KIRREL3: variants seen among roughly 807,000 people sequenced by gnomAD.
The protein encoded by KIRREL3 is kin of IRRE-like protein 3.
In KIRREL3, 36 loss-of-function variants were observed where a neutral mutation model predicts 89.7. The ratio of observed to expected loss-of-function variants is 0.40; its 90% CI spans 0.31 to 0.53. The LOEUF (loss-of-function observed/expected upper bound fraction) is 0.53. KIRREL3 is among the 20% of genes least tolerant of loss of function. The pLI is 0.49. For synonymous variants in KIRREL3, 445 were observed against 441.4 expected, an observed-to-expected ratio of 1.01 and a Z score of -0.10; for missense variants, 864 against 1,056.6, an observed-to-expected ratio of 0.82 and a Z score of 2.53.
At chr11:126,922,771 A>T (rs1220722387) in intron 1 of KIRREL3, among the ~76,000 whole-genome samples, 3 of 152,206 alleles carry the variant, frequency 2.0e-5, no homozygotes, top group Non-Finnish European at 4.4e-5. Flanking sequence ...TTTCCTCTGC[A>T]GCAACTGCCC....
intron 7 of KIRREL3, among the ~76,000 whole-genome samples, chr11:126,453,256 GT>G (rs946714626): frequency 6.6e-6 from 1 of 152,154 alleles, no homozygotes; most frequent in Non-Finnish European, 1.5e-5. Flanking sequence ...TTCATCTCGT[GT>G]GGGGGGGCCA....
At chr11:126,921,747 T>TTCTATCTA (rs201000548) in intron 1 of KIRREL3, among the ~76,000 whole-genome samples, 111 of 134,978 alleles carry the variant, frequency 8.2e-4, no homozygotes, top group Admixed American at 1.1e-3. Context: ...TATATCTGTC[T>TTCTATCTA]TCTATCTATC....
intron 1 of KIRREL3, among the ~76,000 whole-genome samples, chr11:126,979,319 A>G (rs1949661520): frequency 6.6e-6 from 1 of 152,208 alleles, no homozygotes; most frequent in South Asian, 2.1e-4. Context: ...TAAAGTTGTA[A>G]TCACCTTTGC....
In KIRREL3 at chr11:126,900,147, G is replaced by A. The variant is rs891109951; in HGVS notation, c.55+100308C>T. ...CCTTGGGTCAGGAAACTAAATGTGA[G>A]TGTATCTGTTCCCATGTGTGTAAAT... On this transcript the variant is annotated intron_variant, in intron 1 of 16. Transcript: ENST00000525144. The surrounding 1 kb of genome is among the most constrained non-coding windows in gnomAD (Gnocchi z 4.4). 5.3e-5 allele frequency among the ~76,000 whole-genome samples: 8 copies of A among 152,206 alleles called. No homozygotes were observed. The highest frequency in any genetic ancestry group is 3.9e-4 in the Admixed American group (6 of 15,284).
At chr11:126,785,520 G>A (rs984118209) in intron 1 of KIRREL3, among the ~76,000 whole-genome samples, 16 of 152,020 alleles carry the variant, frequency 1.1e-4, no homozygotes, top group Non-Finnish European at 2.2e-4. Flanking sequence ...AGGTGTTACC[G>A]TCTGATGCAA....
At position 126,628,269 on chromosome 11, in the gene KIRREL3, C is replaced by A. The variant is rs1943876140; in HGVS notation, c.56-65357G>T. ...TCCTGTCAGACTCTTTCTCTCCAGC[C>A]TGGCCTCGCCTTCTCTGTGAGAAGG... On this transcript the variant is annotated intron_variant, in intron 1 of 16. Transcript: ENST00000525144. The surrounding 1 kb of genome is among the most constrained non-coding windows in gnomAD (Gnocchi z 5.2). Among the ~76,000 whole-genome samples the A allele has an allele frequency of 6.6e-6, 1 of 152,202 alleles. No individual in the cohort carries two copies. Among genetic ancestry groups the A allele is most frequent in the Non-Finnish European group, 1.5e-5 (1 of 68,040 alleles).
At chr11:126,813,345 G>A (rs2134430096) in intron 1 of KIRREL3, among the ~76,000 whole-genome samples, 1 of 152,288 alleles carries the variant, frequency 6.6e-6, no homozygotes, top group Middle Eastern at 3.4e-3. Flanking sequence ...TCCCACCTGT[G>A]TATGAAACAA....
chr11:126,856,153 A>T (rs951419522), intron 1 of KIRREL3, among the ~76,000 whole-genome samples: 1 of 152,210 alleles, frequency 6.6e-6, no homozygotes, highest in Non-Finnish European at 1.5e-5. Context: ...GCACTTTGAT[A>T]TGGTAAAGGC....
In KIRREL3 at chr11:126,594,252, T is replaced by A. The variant is rs1942283656; in HGVS notation, c.56-31340A>T. Among the ~76,000 whole-genome samples the A allele has an allele frequency of 6.6e-6, 1 of 151,862 alleles. No individual in the cohort carries two copies. The highest frequency in any genetic ancestry group is 6.6e-5 in the Admixed American group (1 of 15,238). On this transcript the variant is annotated intron_variant, in intron 1 of 16. Transcript: ENST00000525144. This position sits in a 1 kb window ranked among gnomAD's most constrained non-coding sequence, Gnocchi z 5.0. ...GAGCTGGTGAAAACTAACAGTAAGGTGAAGGGTAGGGCTGGGGGCTGGGTC... is the reference window on the plus strand; with the variant it reads ...GAGCTGGTGAAAACTAACAGTAAGGAGAAGGGTAGGGCTGGGGGCTGGGTC...
At chr11:126,488,447 TAGTAGGTCCGC>T (rs1488376431) in intron 4 of KIRREL3, among the ~76,000 whole-genome samples, 1 of 152,246 alleles carries the variant, frequency 6.6e-6, no homozygotes, top group Non-Finnish European at 1.5e-5. Context: ...GGAGAAGATG[TAGTAGGTCCGC>T]AGTCGTGGAG....
intron 1 of KIRREL3, among the ~76,000 whole-genome samples, chr11:126,947,073 T>C (rs559171690): frequency 5.1e-4 from 78 of 152,244 alleles, no homozygotes; most frequent in African/African-American, 1.9e-3. Context: ...ATCCTCAAAA[T>C]GTCAGTCAAA....
chr11:126,664,846 G>A lies in KIRREL3; in HGVS notation c.56-101934C>T, dbSNP rs1945583656. Among the ~76,000 whole-genome samples, 1 of 152,126 alleles carries A rather than the reference G, an allele frequency of 6.6e-6. No homozygotes were observed. The highest frequency in any genetic ancestry group is 2.4e-5 in the African/African-American group (1 of 41,402). On this transcript the variant is annotated intron_variant, in intron 1 of 16. Transcript: ENST00000525144. This position sits in a 1 kb window ranked among gnomAD's most constrained non-coding sequence, Gnocchi z 5.4. Reference sequence around the variant, plus strand: ...TGAACCTCTTGTGCCCTTAGACAGGGGGGCATTCCCTGCCTCAACCACAGG... The same window carrying A: ...TGAACCTCTTGTGCCCTTAGACAGGAGGGCATTCCCTGCCTCAACCACAGG...
In KIRREL3 at chr11:126,509,342, C is replaced by T. The variant is rs1049709040; in HGVS notation, c.433+11973G>A. On this transcript the variant is annotated intron_variant, in intron 4 of 16. Transcript: ENST00000525144. ...CTCACCCCTCCTTCATACTCAATCA[C>T]GTCTCTGCCACCCTCCAAGCTTGGC... 2.0e-5 allele frequency among the ~76,000 whole-genome samples: 3 copies of T among 152,320 alleles called. No homozygotes were observed. The South Asian group carries it at 6.2e-4, about 32-fold the overall frequency.
At position 126,938,089 on chromosome 11, in the gene KIRREL3, T is replaced by A. The variant is rs891164521; in HGVS notation, c.55+62366A>T. On this transcript the variant is annotated intron_variant, in intron 1 of 16. Coordinates refer to ENST00000525144, the MANE Select transcript of KIRREL3 (RefSeq NM_032531.4). ...AGAGAAACAAATGAATCCCTACTTG[T>A]TTATACCATTGTGGTTGGGTTTTCT... Among the ~76,000 whole-genome samples the A allele has an allele frequency of 5.9e-5, 9 of 152,334 alleles. No individual in the cohort carries two copies. In the East Asian group the frequency reaches 1.7e-3, roughly 29 times the overall value.
Position 126,574,827 on chromosome 11 carries a change from G to C in KIRREL3, c.56-11915C>G, listed in dbSNP as rs492125. Among the ~76,000 whole-genome samples, 54,312 of 152,110 alleles carry C rather than the reference G, an allele frequency of 0.36. 10,792 individuals are homozygous for C. The highest frequency in any genetic ancestry group is 0.51 in the South Asian group (2,438 of 4,822). On this transcript the variant is annotated intron_variant, in intron 1 of 16. Transcript: ENST00000525144. The surrounding 1 kb of genome is among the most constrained non-coding windows in gnomAD (Gnocchi z 5.3). ...CTGCCAACCCATTCATTTGTTTATTGATGAGCTGCTTAATACTTCTTGGAA... is the reference window on the plus strand; with the variant it reads ...CTGCCAACCCATTCATTTGTTTATTCATGAGCTGCTTAATACTTCTTGGAA...
At chr11:126,957,281 T>C (rs1339839168) in intron 1 of KIRREL3, among the ~76,000 whole-genome samples, 1 of 152,246 alleles carries the variant, frequency 6.6e-6, no homozygotes, top group Non-Finnish European at 1.5e-5. Flanking sequence ...AAACTGCTCA[T>C]GACTGCAGTT....
In KIRREL3 at chr11:126,651,866, GA is replaced by G. The variant is rs1310268206; in HGVS notation, c.56-88955del. On this transcript the variant is annotated intron_variant, in intron 1 of 16. Transcript: ENST00000525144. This position sits in a 1 kb window ranked among gnomAD's most constrained non-coding sequence, Gnocchi z 4.6. ...GTGATGAAGGGTTCATAAAGCAGTG[GA>G]TGTTCAATTTTCCCATTTGGGGTGG... 6.6e-6 allele frequency among the ~76,000 whole-genome samples: 1 copy of G among 152,192 alleles called. No homozygotes were observed. Among genetic ancestry groups the G allele is most frequent in the African/African-American group, 2.4e-5 (1 of 41,446 alleles).
At chr11:126,982,897 T>C (rs583865) in intron 1 of KIRREL3, among the ~76,000 whole-genome samples, 80,159 of 152,048 alleles carry the variant, frequency 0.53, 22,029 homozygotes, top group East Asian at 0.83. Context: ...AGAGTTCTCA[T>C]ACTCTAGACT....
chr11:126,914,194 C>T lies in KIRREL3; in HGVS notation c.55+86261G>A, dbSNP rs1946943239. On this transcript the variant is annotated intron_variant, in intron 1 of 16. Transcript: ENST00000525144. ...AGGTGCTATGCCTGTGGCCAGGGCC[C>T]TAAAAGGAAAGGGCACGTGGAGTAG... is the stretch of plus-strand genomic sequence containing the variant. Among the ~76,000 whole-genome samples the T allele has an allele frequency of 2.0e-5, 3 of 152,118 alleles. No individual in the cohort carries two copies. In the South Asian group the frequency reaches 6.2e-4, roughly 32 times the overall value.
Sources: gnomAD v4.1 joint callset for allele counts (sites outside exome capture counted in the v4.1 genomes callset) on GRCh38, gnomAD v4.1.1 for gene constraint, Gnocchi (gnomAD v3.1) non-coding constraint, MANE v1.5 for transcripts, NCBI Gene and HGNC (gene_info 2026-07-23, HGNC 2026-07-21) for gene names.